Variants in ARHGAP15 observed in about 807,000 individuals in gnomAD.
ARHGAP15 encodes the protein rho GTPase-activating protein 15.
Under a neutral mutation model 63.7 loss-of-function variants are expected in ARHGAP15, and 51 were observed. The observed-to-expected ratio is 0.80, with a 90% CI of 0.64 to 1.01. ARHGAP15 has a LOEUF of 1.01. Ranked by LOEUF, ARHGAP15 falls within the 50% of genes least tolerant of loss-of-function variation. The pLI, the probability that ARHGAP15 is intolerant of heterozygous loss-of-function variation, is 0.00. For missense variants in ARHGAP15, 560 were observed against 564.6 expected, an observed-to-expected ratio of 0.99 and a Z score of 0.08; for synonymous variants, 191 against 193.8, an observed-to-expected ratio of 0.99 and a Z score of 0.12.
At chr2:143,508,512 A>G (rs187289178) in intron 9 of ARHGAP15, among the ~76,000 whole-genome samples, 17 of 152,338 alleles carry the variant, frequency 1.1e-4, no homozygotes, top group African/African-American at 4.1e-4. Flanking sequence ...GGCATTGAAA[A>G]ATACTCATAG....
At chr2:143,276,136 TAGAC>T (rs1183850130) in intron 6 of ARHGAP15, among the ~76,000 whole-genome samples, 2 of 152,316 alleles carry the variant, frequency 1.3e-5, no homozygotes, top group Admixed American at 6.5e-5. Flanking sequence ...AAACATAACT[TAGAC>T]AGAATGGCTC....
At chr2:143,306,451 G>A (rs528217661) in intron 6 of ARHGAP15, among the ~76,000 whole-genome samples, 17 of 152,134 alleles carry the variant, frequency 1.1e-4, no homozygotes, top group African/African-American at 1.9e-4. Flanking sequence ...CACACATATC[G>A]ATTATATCTT....
At chr2:143,280,332 G>C (rs1034273068) in intron 6 of ARHGAP15, among the ~76,000 whole-genome samples, 1 of 152,134 alleles carries the variant, frequency 6.6e-6, no homozygotes, top group African/African-American at 2.4e-5. Context: ...AGGGAGCACA[G>C]TGTCATTAGG....
chr2:143,261,127 C>CT (rs976097427), intron 6 of ARHGAP15, among the ~76,000 whole-genome samples: 8 of 151,968 alleles, frequency 5.3e-5, no homozygotes, highest in Admixed American at 5.2e-4. Context: ...AACATTTGCT[C>CT]TTTGGCAGCT....
chr2:143,615,777 T>C (rs1325298214), intron 11 of ARHGAP15, among the ~76,000 whole-genome samples: 1 of 152,190 alleles, frequency 6.6e-6, no homozygotes, highest in Non-Finnish European at 1.5e-5. Flanking sequence ...AAAATGACTT[T>C]GTCGAAATTT....
chr2:143,712,396 A>T (rs989931070), intron 13 of ARHGAP15, among the ~76,000 whole-genome samples: 2 of 152,212 alleles, frequency 1.3e-5, no homozygotes, highest in Non-Finnish European at 2.9e-5. Flanking sequence ...AGCAAAATCC[A>T]GTCAAGGATA....
At chr2:143,340,903 CTATACTTGGAAAAA>C (rs1685029081) in intron 6 of ARHGAP15, among the ~76,000 whole-genome samples, 1 of 152,114 alleles carries the variant, frequency 6.6e-6, no homozygotes, top group South Asian at 2.1e-4. Flanking sequence ...AAGTGGAAAA[CTATACTTGGAAAAA>C]ATAGAAGTTG....
chr2:143,483,504 G>C (rs1264052797), intron 8 of ARHGAP15, among the ~76,000 whole-genome samples: 1 of 152,180 alleles, frequency 6.6e-6, no homozygotes, highest in Non-Finnish European at 1.5e-5. Context: ...AACTTAGATT[G>C]ATTATTCTGT....
At chr2:143,300,994 A>G (rs1018143059) in intron 6 of ARHGAP15, among the ~76,000 whole-genome samples, 6 of 151,852 alleles carry the variant, frequency 4.0e-5, no homozygotes, top group African/African-American at 1.5e-4. Flanking sequence ...TTTTTTTTCT[A>G]TAAGTCAAAC....
intron 8 of ARHGAP15, among the ~76,000 whole-genome samples, chr2:143,467,407 T>G (rs188285397): frequency 7.9e-5 from 12 of 152,158 alleles, no homozygotes; most frequent in African/African-American, 2.9e-4. Context: ...TGTTAGACTT[T>G]CAATTATTTG....
At chr2:143,658,748 C>A (rs1270866950) in intron 12 of ARHGAP15, among the ~76,000 whole-genome samples, 1 of 152,180 alleles carries the variant, frequency 6.6e-6, no homozygotes, top group African/African-American at 2.4e-5. Flanking sequence ...TCCTCTGTCA[C>A]TTCTGGTAAG....
chr2:143,274,797 G>GGCCTAACATTGTT (rs1266023395), intron 6 of ARHGAP15, among the ~76,000 whole-genome samples: 1 of 152,132 alleles, frequency 6.6e-6, no homozygotes, highest in Non-Finnish European at 1.5e-5. Context: ...AACAGTCTTT[G>GGCCTAACATTGTT]AGAACCTAAC....
intron 11 of ARHGAP15, among the ~76,000 whole-genome samples, chr2:143,586,471 A>G (rs970029368): frequency 4.6e-5 from 7 of 151,802 alleles, no homozygotes; most frequent in African/African-American, 1.7e-4. Context: ...TATGTCTTTA[A>G]TCTTTTTCTT....
intron 13 of ARHGAP15, among the ~76,000 whole-genome samples, chr2:143,749,903 A>G (rs1686305774): frequency 6.6e-6 from 1 of 152,176 alleles, no homozygotes; most frequent in Admixed American, 6.6e-5. Context: ...AGCACTGTGT[A>G]ACCTTTGGAC....
At chr2:143,309,911 TGATA>T (rs950588288) in intron 6 of ARHGAP15, among the ~76,000 whole-genome samples, 1 of 151,578 alleles carries the variant, frequency 6.6e-6, no homozygotes, top group African/African-American at 2.4e-5. Flanking sequence ...CACATGATGA[TGATA>T]GATAATAGCT....
At chr2:143,710,112 G>A (rs1044024021) in intron 13 of ARHGAP15, among the ~76,000 whole-genome samples, 2 of 152,124 alleles carry the variant, frequency 1.3e-5, no homozygotes, top group Admixed American at 6.6e-5. Context: ...ATTTTTACTG[G>A]AAAATGAGGA....
At chr2:143,367,692 G>A (rs1251948058) in intron 6 of ARHGAP15, among the ~76,000 whole-genome samples, 2 of 151,520 alleles carry the variant, frequency 1.3e-5, no homozygotes, top group Admixed American at 1.3e-4. Context: ...TATTTTTGTT[G>A]TTGCTTTTTA....
Position 143,173,631 on chromosome 2 carries a change from T to G in ARHGAP15, c.165+17976T>G, listed in dbSNP as rs115180450. On this transcript the variant is annotated intron_variant, in intron 2 of 13. Transcript: ENST00000295095. The stretch of plus-strand genomic sequence containing the variant: ...ATCCACAAAACTTAAAAAAAACCTC[T>G]AATTTTATCTGGAGTAAATTGAGTG... Among the ~76,000 whole-genome samples, 1,370 of 152,232 alleles carry G rather than the reference T, an allele frequency of 9.0e-3. 13 individuals are homozygous for G. Among genetic ancestry groups the G allele is most frequent in the Non-Finnish European group, 0.015 (1,050 of 67,994 alleles).
At chr2:143,200,062 C>G (rs917887983) in intron 2 of ARHGAP15, among the ~76,000 whole-genome samples, 2 of 152,136 alleles carry the variant, frequency 1.3e-5, no homozygotes, top group Non-Finnish European at 1.5e-5. Flanking sequence ...AATAGGTAAA[C>G]AGCCAACAGT....
Sources: allele counts gnomAD v4.1 joint callset (sites outside exome capture counted in the v4.1 genomes callset), GRCh38; gene constraint gnomAD v4.1.1; transcripts MANE v1.5; gene names NCBI Gene and HGNC (gene_info 2026-07-23, HGNC 2026-07-21).